The following PROCR variants were observed in gnomAD, a reference collection of about 807,000 sequenced individuals.
PROCR encodes protein C receptor, also known as endothelial protein C receptor.
PROCR carries 22 observed loss-of-function variants against 24.2 expected under a neutral mutation model. That is an observed-to-expected ratio of 0.91 (90% CI 0.65 to 1.30). PROCR has a LOEUF of 1.30. Ranked by LOEUF, PROCR falls within the 50% of genes most tolerant of loss-of-function variation. The probability of loss-of-function intolerance (pLI) is 0.00; values close to 1 mark genes in which losing one functional copy is unlikely to be tolerated. For missense variants in PROCR, 288 were observed against 307.7 expected, an observed-to-expected ratio of 0.94 and a Z score of 0.48; for synonymous variants, 137 against 139.2, an observed-to-expected ratio of 0.98 and a Z score of 0.11.
rs1489641729 is a variant in PROCR at position 35,174,904 on chromosome 20, C to G, written c.273C>G (p.Leu91=). Residue 91 remains leucine (L), a synonymous_variant, in exon 2 of 4, where the codon CTC becomes CTG. Transcript: ENST00000216968. ...AGAGTGGCCTGCAGTCCTACCTGCT[C>G]CAGTTCCACGGCCTCGTGCGCCTGG... The part of the protein sequence containing the change: ...RTQSGLQSYL[L]QFHGLVRLVH... 1.2e-6 allele frequency: 2 copies of G among 1,608,216 alleles called. No individual in the cohort carries two copies. The highest frequency in any genetic ancestry group is 8.5e-7 in the Non-Finnish European group (1 of 1,177,466).
At chr20:35,188,046 A>G (rs1471791350) in intron 1 of PROCR, among the ~76,000 whole-genome samples, 1 of 152,228 alleles carries the variant, frequency 6.6e-6, no homozygotes, top group Non-Finnish European at 1.5e-5. Flanking sequence ...TTCTAAAAGT[A>G]TCCTTCTGGG....
intron 1 of PROCR, among the ~76,000 whole-genome samples, chr20:35,206,902 G>C (rs1284688850): frequency 1.3e-5 from 2 of 152,308 alleles, no homozygotes; most frequent in East Asian, 3.9e-4. Context: ...GTTTACAGAA[G>C]CTTTATTCAT....
At chr20:35,185,350 A>T (rs2086115499) in intron 1 of PROCR, among the ~76,000 whole-genome samples, 1 of 152,230 alleles carries the variant, frequency 6.6e-6, no homozygotes, top group Non-Finnish European at 1.5e-5. Flanking sequence ...AACTAAAAGT[A>T]GAGCTACCAT....
downstream of PROCR, among the ~76,000 whole-genome samples, chr20:35,181,456 GT>G (rs2086078564): frequency 6.6e-6 from 1 of 151,620 alleles, no homozygotes; most frequent in Admixed American, 6.6e-5. Context: ...TGTATTTTTA[GT>G]AGTGACGGGG....
At chr20:35,205,051 T>TCA (rs1213775031) in intron 1 of PROCR, among the ~76,000 whole-genome samples, 1 of 152,020 alleles carries the variant, frequency 6.6e-6, no homozygotes, top group African/African-American at 2.4e-5. Context: ...AGCGGGCAGA[T>TCA]CACCTGAGGT....
upstream of PROCR, chr20:35,172,037 C>T (rs1036803892): frequency 7.2e-5 from 64 of 888,342 alleles, no homozygotes; most frequent in South Asian, 8.5e-4. Flanking sequence ...TTCCATCCTC[C>T]TCTGCCCAGA....
chr20:35,209,608 A>C (rs1055269636), intron 1 of PROCR, among the ~76,000 whole-genome samples: 1 of 152,208 alleles, frequency 6.6e-6, no homozygotes, highest in African/African-American at 2.4e-5. Flanking sequence ...ACTGGAAGAG[A>C]TGGAGCTAGC....
chr20:35,205,870 C>CATACACAT, intron 1 of PROCR, among the ~76,000 whole-genome samples: 2 of 138,170 alleles, frequency 1.4e-5, no homozygotes, highest in South Asian at 4.7e-4. Context: ...CATATGTATA[C>CATACACAT]ATGTATATAT....
intron 1 of PROCR, among the ~76,000 whole-genome samples, chr20:35,196,582 G>T (rs1310104997): frequency 6.6e-6 from 1 of 152,140 alleles, no homozygotes; most frequent in Non-Finnish European, 1.5e-5. Context: ...CCTTTAAAGT[G>T]CTGAAAGAAA....
intron 1 of PROCR, among the ~76,000 whole-genome samples, chr20:35,186,952 CAA>C (rs926659678): frequency 2.3e-5 from 3 of 129,612 alleles, no homozygotes; most frequent in Admixed American, 8.0e-5. Context: ...GACTCTGTCT[CAA>C]AAAAAAAAAA....
chr20:35,203,449 TG>T (rs981699421), intron 1 of PROCR, among the ~76,000 whole-genome samples: 8 of 152,118 alleles, frequency 5.3e-5, no homozygotes, highest in African/African-American at 1.4e-4. Flanking sequence ...TATTTATTAT[TG>T]TTTTTCTTTT....
At chr20:35,171,161 A>G (rs1008107546), upstream of PROCR, among the ~76,000 whole-genome samples, 3 of 152,166 alleles carry the variant, frequency 2.0e-5, no homozygotes, top group South Asian at 2.1e-4. Flanking sequence ...TCGGCCTCCC[A>G]AAGTGCCAGC....
intron 1 of PROCR, among the ~76,000 whole-genome samples, chr20:35,197,418 C>G (rs34515766): frequency 0.41 from 61,833 of 152,034 alleles, 13,339 homozygotes; most frequent in East Asian, 0.64. Flanking sequence ...CCACTGACCA[C>G]CTGTTCCCTC....
rs192711744 is a variant in PROCR, at chr20:35,186,421, C to T, written c.94+9975C>T. ...GCCTCTTCTAAAAATAGAAAATTAG[C>T]CGGGCATGGTAGCACATGCCTGTAA... On this transcript the variant is annotated intron_variant, in intron 1 of 1. Coordinates refer to the PROCR transcript ENST00000634509. 4.7e-3 allele frequency among the ~76,000 whole-genome samples: 716 copies of T among 151,768 alleles called. 4 individuals are homozygous for T. The highest frequency in any genetic ancestry group is 9.7e-3 in the Admixed American group (148 of 15,242).
intron 1 of PROCR, among the ~76,000 whole-genome samples, chr20:35,182,759 T>C (rs1157720769): frequency 6.6e-6 from 1 of 152,130 alleles, no homozygotes; most frequent in East Asian, 1.9e-4. Context: ...GCAGTTCACC[T>C]GAGGTCAGGT....
chr20:35,175,488 TTTCTC>T (rs1430931551), intron 2 of PROCR, among the ~76,000 whole-genome samples: 2 of 151,260 alleles, frequency 1.3e-5, no homozygotes, highest in Non-Finnish European at 1.5e-5. Flanking sequence ...CCCAATTTCT[TTTCTC>T]AAAGCACCAA....
intron 1 of PROCR, among the ~76,000 whole-genome samples, chr20:35,203,617 A>G (rs2060327206): frequency 6.6e-6 from 1 of 150,756 alleles, no homozygotes; most frequent in Admixed American, 6.6e-5. Flanking sequence ...ACTCTGTCTC[A>G]AAAAAAAAGA....
chr20:35,171,976 A>T (rs1417049490), upstream of PROCR: 1 of 669,606 alleles, frequency 1.5e-6, no homozygotes, highest in Non-Finnish European at 2.7e-6. Flanking sequence ...AATGAGACAC[A>T]GTAGAAATAA....
At chr20:35,189,682 G>A (rs1294190380) in intron 1 of PROCR, among the ~76,000 whole-genome samples, 1 of 151,902 alleles carries the variant, frequency 6.6e-6, no homozygotes, top group Admixed American at 6.6e-5. Context: ...TGTCTCCCCC[G>A]GACACCCAGC....
Sources: gnomAD v4.1 joint callset for allele counts (sites outside exome capture counted in the v4.1 genomes callset) on GRCh38, gnomAD v4.1.1 for gene constraint, MANE v1.5 for transcripts, NCBI Gene and HGNC (gene_info 2026-07-23, HGNC 2026-07-21) for gene names.